The following GRID2 variants were observed in gnomAD, a reference collection of about 807,000 sequenced individuals.
The protein encoded by GRID2 is glutamate receptor ionotropic, delta-2.
Under a neutral mutation model 114.8 loss-of-function variants are expected in GRID2, and 33 were observed. The observed-to-expected ratio is 0.29, with a 90% CI of 0.22 to 0.38. GRID2 has a LOEUF of 0.38. Ranked by LOEUF, GRID2 falls within the 10% of genes least tolerant of loss-of-function variation. The probability of loss-of-function intolerance (pLI) is 1.00; values close to 1 mark genes in which losing one functional copy is unlikely to be tolerated. For synonymous variants in GRID2, 505 were observed against 449.9 expected (o/e 1.12, Z -1.55); for missense variants, 1,184 against 1,257.7 (o/e 0.94, Z 0.89).
rs116633838 is a variant in GRID2 at position 92,755,262 on chromosome 4, T to C, written c.244+164976T>C. ...GATATTTAATCTATACCTATTGTTA[T>C]TCTTCTAAAAAAATAACTTTTTTGG... On this transcript the variant is annotated intron_variant, in intron 2 of 15. Coordinates refer to ENST00000282020, the MANE Select transcript of GRID2 (RefSeq NM_001510.4). Among the ~76,000 whole-genome samples the C allele has an allele frequency of 7.9e-3, 1,205 of 152,334 alleles. 12 individuals carry two copies. Among genetic ancestry groups the C allele is most frequent in the African/African-American group, 0.028 (1,148 of 41,586 alleles).
At chr4:92,969,325 C>T (rs1029269557) in intron 2 of GRID2, among the ~76,000 whole-genome samples, 1 of 151,594 alleles carries the variant, frequency 6.6e-6, no homozygotes, top group Non-Finnish European at 1.5e-5. Context: ...ATTTTGACTG[C>T]ATGTTGTATA....
chr4:93,555,281 G>C (rs1326589891), intron 13 of GRID2, among the ~76,000 whole-genome samples: 1 of 152,140 alleles, frequency 6.6e-6, no homozygotes. Context: ...CCTGGAAAGG[G>C]GGCTGAAGCC....
chr4:93,348,963 A>G lies in GRID2; in HGVS notation c.1246-46644A>G, dbSNP rs1318394816. On this transcript the variant is annotated intron_variant, in intron 8 of 15. Transcript: ENST00000282020. ...GCAGGGCCTGCCTTCTTGGCTGGCT[A>G]TTTATTTATTTATTTATTAGCTTGG... Among the ~76,000 whole-genome samples, 3 of 151,964 alleles carry G rather than the reference A, an allele frequency of 2.0e-5. No individual in the cohort carries two copies. In the East Asian group the frequency reaches 5.8e-4, roughly 29 times the overall value.
intron 8 of GRID2, among the ~76,000 whole-genome samples, chr4:93,345,377 T>A (rs1760114423): frequency 6.6e-6 from 1 of 152,092 alleles, no homozygotes; most frequent in African/African-American, 2.4e-5. Context: ...GTGGTTTTAA[T>A]TTGCATTCCC....
intron 11 of GRID2, among the ~76,000 whole-genome samples, chr4:93,487,824 AGTT>A (rs1726565362): frequency 1.3e-5 from 2 of 152,056 alleles, no homozygotes; most frequent in East Asian, 3.9e-4. Context: ...CAATTTTTCT[AGTT>A]GTTGTCAGTG....
chr4:92,480,325 A>G (rs1007866342), intron 1 of GRID2, among the ~76,000 whole-genome samples: 2 of 152,160 alleles, frequency 1.3e-5, no homozygotes, highest in Admixed American at 1.3e-4. Context: ...ATAAGTTTGC[A>G]TGAGATTACT....
At chr4:92,927,818 TGAG>T (rs1749930964) in intron 2 of GRID2, among the ~76,000 whole-genome samples, 1 of 151,750 alleles carries the variant, frequency 6.6e-6, no homozygotes, top group Admixed American at 6.6e-5. Flanking sequence ...TTCTCAATGA[TGAG>T]GATTAATTGA....
intron 4 of GRID2, among the ~76,000 whole-genome samples, chr4:93,179,639 A>T (rs1382710204): frequency 6.6e-6 from 1 of 152,210 alleles, no homozygotes; most frequent in Non-Finnish European, 1.5e-5. Context: ...TGTACATATT[A>T]ACTTGTTTAA....
chr4:93,349,911 G>C (rs1171950459), intron 8 of GRID2, among the ~76,000 whole-genome samples: 1 of 152,054 alleles, frequency 6.6e-6, no homozygotes, highest in East Asian at 1.9e-4. Flanking sequence ...AATAATATGT[G>C]TGGGATGGGG....
intron 4 of GRID2, among the ~76,000 whole-genome samples, chr4:93,142,155 G>T (rs1216084121): frequency 2.0e-5 from 3 of 152,170 alleles, no homozygotes; most frequent in African/African-American, 7.2e-5. Context: ...GGAGATTGCA[G>T]TGAGCCAAGA....
At chr4:92,738,785 A>G (rs1021174506) in intron 2 of GRID2, among the ~76,000 whole-genome samples, 5 of 152,042 alleles carry the variant, frequency 3.3e-5, no homozygotes, top group African/African-American at 1.2e-4. Context: ...CTCAGTAGCT[A>G]AGACTAATGG....
chr4:93,190,050 A>G (rs1306503315), intron 4 of GRID2, among the ~76,000 whole-genome samples: 2 of 152,062 alleles, frequency 1.3e-5, no homozygotes, highest in African/African-American at 2.4e-5. Context: ...TTGACTTTGC[A>G]TTTATTTTTT....
intron 1 of GRID2, among the ~76,000 whole-genome samples, chr4:92,568,433 T>C (rs1727445901): frequency 6.6e-6 from 1 of 152,028 alleles, no homozygotes; most frequent in Non-Finnish European, 1.5e-5. Flanking sequence ...TCAAGTTTTT[T>C]GTTGGTTCCT....
At chr4:92,946,801 G>C (rs780268935) in intron 2 of GRID2, among the ~76,000 whole-genome samples, 10 of 152,004 alleles carry the variant, frequency 6.6e-5, no homozygotes, top group Non-Finnish European at 1.2e-4. Context: ...CTGGTTTTTA[G>C]GTCCAATCTT....
At chr4:92,993,769 A>T (rs1380255609) in intron 2 of GRID2, among the ~76,000 whole-genome samples, 1 of 152,226 alleles carries the variant, frequency 6.6e-6, no homozygotes, top group Non-Finnish European at 1.5e-5. Context: ...TTTGTTAAGT[A>T]TCTATTATGA....
intron 14 of GRID2, among the ~76,000 whole-genome samples, chr4:93,685,517 T>A (rs753693108): frequency 6.6e-6 from 1 of 152,064 alleles, no homozygotes; most frequent in African/African-American, 2.4e-5. Context: ...GTAATTTCCA[T>A]AGGAGTAGAG....
intron 8 of GRID2, among the ~76,000 whole-genome samples, chr4:93,354,832 AAT>A (rs986144520): frequency 4.5e-5 from 6 of 134,388 alleles, no homozygotes; most frequent in African/African-American, 1.7e-4. Context: ...ATATATATAT[AAT>A]ATATATAAAA....
At chr4:92,677,605 A>G (rs1340294533) in intron 2 of GRID2, among the ~76,000 whole-genome samples, 1 of 152,146 alleles carries the variant, frequency 6.6e-6, no homozygotes, top group Non-Finnish European at 1.5e-5. Flanking sequence ...TTGCTGCATT[A>G]CATTCCGTCT....
intron 2 of GRID2, among the ~76,000 whole-genome samples, chr4:92,824,990 A>AG (rs1741583034): frequency 6.6e-6 from 1 of 152,068 alleles, no homozygotes; most frequent in South Asian, 2.1e-4. Flanking sequence ...ATTTCTTAAA[A>AG]AAAAGGTATT....
Sources: allele counts gnomAD v4.1 joint callset (sites outside exome capture counted in the v4.1 genomes callset), GRCh38; gene constraint gnomAD v4.1.1; transcripts MANE v1.5; gene names NCBI Gene and HGNC (gene_info 2026-07-23, HGNC 2026-07-21).